ZNF585B: variants seen among roughly 807,000 people sequenced by gnomAD.
ZNF585B encodes zinc finger protein 41-like protein.
A neutral mutation model predicts 14.0 loss-of-function variants in ZNF585B; 7 were observed. The ratio of observed to expected loss-of-function variants is 0.50; its 90% confidence interval spans 0.28 to 0.94. The LOEUF is 0.94. Ranked by LOEUF, ZNF585B falls within the 40% of genes least tolerant of loss-of-function variation. ZNF585B has a pLI of 0.09. For synonymous variants in ZNF585B, 290 were observed against 317.3 expected, an observed-to-expected ratio of 0.91 and a Z score of 0.91; for missense variants, 750 against 924.4, an observed-to-expected ratio of 0.81 and a Z score of 2.45.
chr19:37,208,853 G>C (rs925568968), intron 1 of ZNF585B, among the ~76,000 whole-genome samples: 1 of 152,040 alleles, frequency 6.6e-6, no homozygotes, highest in African/African-American at 2.4e-5. Flanking sequence ...TTAGCCAGGC[G>C]TGGTGGCGGG....
intron 2 of ZNF585B, among the ~76,000 whole-genome samples, chr19:37,192,817 A>C (rs1027583966): frequency 1.3e-5 from 2 of 150,482 alleles, no homozygotes; most frequent in African/African-American, 4.9e-5. Flanking sequence ...CTCAAAAATA[A>C]ATAAACAAAT....
At chr19:37,204,341 G>A (rs1197001976) in intron 2 of ZNF585B, among the ~76,000 whole-genome samples, 1 of 152,182 alleles carries the variant, frequency 6.6e-6, no homozygotes, top group African/African-American at 2.4e-5. Context: ...TTAAGCCTCA[G>A]TGTTGCTAGA....
intron 2 of ZNF585B, among the ~76,000 whole-genome samples, chr19:37,202,639 G>GTTTTTTTTTTTTTT (rs1555779551): frequency 7.0e-6 from 1 of 142,174 alleles, no homozygotes; most frequent in African/African-American, 2.6e-5. Flanking sequence ...ATATTTGCAT[G>GTTTTTTTTTTTTTT]GTTTTTTTTT....
chr19:37,207,169 G>T lies in ZNF585B; in HGVS notation c.-58C>A. 2 of 1,610,764 alleles carry T rather than the reference G, an allele frequency of 1.2e-6. No individual in the cohort carries two copies. The highest frequency in any genetic ancestry group is 1.7e-6 in the Non-Finnish European group (2 of 1,179,338). Reference sequence around the variant, plus strand: ...GGTGCCTGAAGTTTAGTGGTCATCTGTGAACTCAGCAGAGCTGCTCCGAAG... The same window carrying T: ...GGTGCCTGAAGTTTAGTGGTCATCTTTGAACTCAGCAGAGCTGCTCCGAAG... On this transcript the variant is annotated 5_prime_UTR_variant, in exon 2 of 5. Transcript: ENST00000532828.
At position 37,186,509 on chromosome 19, in the gene ZNF585B, G is replaced by A. The variant is rs560988664; in HGVS notation, c.1028C>T (p.Thr343Ile). ...CTCTCTACTTTGAATCTTCTCATGT[G>A]TAATGAGGTTGGAATTATTGCTGAA... ...KVFSNNSNLI[T>I]HEKIQSREKS... Residue 343 changes from threonine to isoleucine, a missense_variant, in exon 5 of 5, where the codon ACA (threonine) becomes ATA (isoleucine). Thr to Ile is a moderately conservative substitution (Grantham distance 89). Coordinates refer to ENST00000532828, the MANE Select transcript of ZNF585B (RefSeq NM_152279.4). 4.3e-6 allele frequency: 7 copies of A among 1,614,204 alleles called. No individual in the cohort carries two copies. In the South Asian group the frequency reaches 4.4e-5, roughly 10 times the overall value.
At position 37,186,941 on chromosome 19, in the gene ZNF585B, G is replaced by C; in HGVS notation, c.596C>G (p.Ser199Trp). The change falls in exon 5 of 5, where the codon TCG becomes TGG. Residue 199 changes from serine (S) to tryptophan (W), a missense_variant. Ser to Trp is a radical substitution (Grantham distance 177, BLOSUM62 -3). Around this residue, in one of 2 missense-constraint regions of ZNF585B, gnomAD observed 517 missense variants for 570.3 expected, o/e 0.91. Transcript: ENST00000532828. Reference sequence around the variant, plus strand: ...AATTCTGTGATGCCTGAAAAGAGACGATACTTGAAAAAAGGATTTTCCACA... The same window carrying C: ...AATTCTGTGATGCCTGAAAAGAGACCATACTTGAAAAAAGGATTTTCCACA... ...NECGKSFFQV[S>W]SLFRHHRIHT... 6.2e-7 allele frequency: 1 copy of C among 1,613,928 alleles called. No homozygotes were observed. Among genetic ancestry groups the C allele is most frequent in the Non-Finnish European group, 8.5e-7 (1 of 1,179,984 alleles).
intron 2 of ZNF585B, among the ~76,000 whole-genome samples, chr19:37,199,672 ATAC>A (rs1371642652): frequency 6.6e-6 from 1 of 152,216 alleles, no homozygotes; most frequent in Non-Finnish European, 1.5e-5. Flanking sequence ...TACAAATAAT[ATAC>A]TACAAATAAA....
At chr19:37,190,933 A>G (rs1972393874) in intron 2 of ZNF585B, among the ~76,000 whole-genome samples, 3 of 152,172 alleles carry the variant, frequency 2.0e-5, no homozygotes, top group Admixed American at 2.0e-4. Context: ...TTTTAAACAT[A>G]CAGAAAATTA....
chr19:37,184,472 GAA>G lies in ZNF585B; in HGVS notation c.*753_*754del, dbSNP rs1391250907. The G allele has an allele frequency of 5.4e-5, 6 of 110,428 alleles. No homozygotes were observed. The highest frequency in any genetic ancestry group is 1.9e-4 in the African/African-American group (5 of 26,598). The allele number at this position is 110,428 out of a possible 1,614,324, so 6.8% of individuals were successfully genotyped here. A position where few individuals can be genotyped will look rare whatever the true frequency, so the allele number is the denominator to read the frequency against. On this transcript the variant is annotated 3_prime_UTR_variant, in exon 5 of 5. Coordinates refer to ENST00000532828, the MANE Select transcript of ZNF585B (RefSeq NM_152279.4). ...AGAAAGAAAGAAAGAAAGAAAGAAA[GAA>G]AGAAAGAAAGAAAGAAAGAAAGAAA...
rs149779499 is a variant in ZNF585B at position 37,198,813 on chromosome 19, A to T, written c.72+8227T>A. 172 of 413,410 alleles carry T rather than the reference A, an allele frequency of 4.2e-4. No homozygotes were observed. The Middle Eastern group carries it at 4.5e-3, about 11-fold the overall frequency. The allele number at this position is 413,410 out of a possible 1,614,324, so 25.6% of individuals were successfully genotyped here. The stretch of plus-strand genomic sequence containing the variant: ...AATATTATTTATTGTATAAAGATTC[A>T]GAGGTCCTTTGTATAGAGGTCACTG... On this transcript the variant is annotated intron_variant, in intron 2 of 4. Coordinates refer to ENST00000532828, the MANE Select transcript of ZNF585B (RefSeq NM_152279.4).
At position 37,184,416 on chromosome 19, in the gene ZNF585B, G is replaced by GAAAGAAAGAAAGAA. The variant is rs60442183; in HGVS notation, c.*810_*811insTTCTTTCTTTCTTT. ...AGAAAGAAAGAAAGAAAGAAAGAAA[G>GAAAGAAAGAAAGAA]AGAAAGAAAGAAAAAGAAAGAAAGA... On this transcript the variant is annotated 3_prime_UTR_variant, in exon 5 of 5. Transcript: ENST00000532828. 2.2e-4 allele frequency: 15 copies of GAAAGAAAGAAAGAA among 67,978 alleles called. 1 individual carries two copies. In the East Asian group the frequency reaches 2.5e-3, roughly 11 times the overall value. 4.2% of individuals were successfully genotyped at this position (67,978 alleles called of 1,614,324 possible).
At chr19:37,187,309 A>C in intron 4 of ZNF585B, 65 bp from the exon 5 acceptor site, 1 of 1,217,278 alleles carries the variant, frequency 8.2e-7, no homozygotes, top group Non-Finnish European at 1.1e-6. Context: ...TCTTCTTAAC[A>C]TTCTTTGAAG....
chr19:37,189,596 A>C (rs1399949546), intron 4 of ZNF585B, 65 bp downstream of exon 4: 1 of 1,587,532 alleles, frequency 6.3e-7, no homozygotes, highest in Non-Finnish European at 8.6e-7. Flanking sequence ...AGTGTTTTTC[A>C]AGACAGCTGA....
intron 2 of ZNF585B, among the ~76,000 whole-genome samples, chr19:37,205,903 A>C (rs1972579934): frequency 6.6e-6 from 1 of 151,912 alleles, no homozygotes; most frequent in African/African-American, 2.4e-5. Context: ...CAGATGGTGA[A>C]ACACCATCTC....
Position 37,185,205 on chromosome 19 carries a change from G to T in ZNF585B, c.*22C>A, listed in dbSNP as rs760522141. 2.5e-6 allele frequency: 4 copies of T among 1,590,186 alleles called. No individual in the cohort carries two copies. The highest frequency in any genetic ancestry group is 3.4e-6 in the Non-Finnish European group (4 of 1,167,190). On this transcript the variant is annotated 3_prime_UTR_variant, in exon 5 of 5. Transcript: ENST00000532828. ...GTACAATCAGACCCAACCCTCAGGG[G>T]GGTTTTCTCACACTGTTTCTCTCAA... is the stretch of plus-strand genomic sequence containing the variant.
chr19:37,207,979 A>AT (rs1401450834), intron 1 of ZNF585B, among the ~76,000 whole-genome samples: 1 of 151,392 alleles, frequency 6.6e-6, no homozygotes, highest in East Asian at 1.9e-4. Flanking sequence ...CTCACACAAT[A>AT]TTTTTTTCTT....
At chr19:37,207,910 T>A (rs527397641) in intron 1 of ZNF585B, among the ~76,000 whole-genome samples, 3 of 152,232 alleles carry the variant, frequency 2.0e-5, no homozygotes, top group East Asian at 1.9e-4. Flanking sequence ...TGTATACATA[T>A]CCCCAATTGG....
At chr19:37,206,278 C>G (rs566350145) in intron 2 of ZNF585B, among the ~76,000 whole-genome samples, 74 of 151,620 alleles carry the variant, frequency 4.9e-4, no homozygotes, top group African/African-American at 1.6e-3. Context: ...ACGGAGAAAC[C>G]CCGTCTCTAC....
chr19:37,202,308 T>C (rs1388289802), intron 2 of ZNF585B, among the ~76,000 whole-genome samples: 1 of 152,214 alleles, frequency 6.6e-6, no homozygotes, highest in Non-Finnish European at 1.5e-5. Context: ...CGGCCTCATC[T>C]ACTCTTGAAT....
Sources: gnomAD v4.1 joint callset for allele counts (sites outside exome capture counted in the v4.1 genomes callset) on GRCh38, gnomAD v4.1.1 for gene constraint, gnomAD v4.1.1 regional missense constraint, MANE v1.5 for transcripts, NCBI Gene and HGNC (gene_info 2026-07-23, HGNC 2026-07-21) for gene names.